LAMA3: variants seen among roughly 807,000 people sequenced by gnomAD.
LAMA3 encodes the protein laminin subunit alpha 3, also known as laminin subunit alpha-3.
In LAMA3, 281 loss-of-function variants were observed where a neutral mutation model predicts 402.0. The observed-to-expected ratio is 0.70, with a 90% CI of 0.63 to 0.77. The LOEUF (loss-of-function observed/expected upper bound fraction) is 0.77. LAMA3 is among the 30% of genes least tolerant of loss of function. The pLI is 0.00. For missense variants in LAMA3, 3,840 were observed against 4,215.5 expected (o/e 0.91, Z 2.47); for synonymous variants, 1,431 against 1,558.4 (o/e 0.92, Z 1.93).
chr18:23,833,071 C>A (rs947273300), intron 23 of LAMA3, among the ~76,000 whole-genome samples: 1 of 152,172 alleles, frequency 6.6e-6, no homozygotes, highest in African/African-American at 2.4e-5. Flanking sequence ...GATCACACAG[C>A]TGGAGGCTGT....
In LAMA3 at chr18:23,903,976, A is replaced by G; in HGVS notation, c.6362A>G (p.Glu2121Gly). ...GCCAGTTTAAATGAAGCAAGACAAG[A>G]ACTAAGTGACAAAGTAAGAGAACTT... Reference protein sequence around the residue: ...LAASLNEARQELSDKVRELSR... With the variant: ...LAASLNEARQGLSDKVRELSR... The change falls in exon 50 of 75, where the codon GAA becomes GGA. Residue 2121 changes from glutamate to glycine, a missense_variant. Around this residue, in one of 3 missense-constraint regions of LAMA3, gnomAD observed 891 missense variants for 857.5 expected, o/e 1.04. Transcript: ENST00000313654. 2 of 1,613,966 alleles carry G rather than the reference A, an allele frequency of 1.2e-6. No homozygotes were observed. Among genetic ancestry groups the G allele is most frequent in the Non-Finnish European group, 1.7e-6 (2 of 1,179,884 alleles).
At chr18:23,866,498 A>G (rs2064362658) in intron 36 of LAMA3, among the ~76,000 whole-genome samples, 1 of 152,258 alleles carries the variant, frequency 6.6e-6, no homozygotes, top group Non-Finnish European at 1.5e-5. Context: ...TTTGCAGAAT[A>G]TCTTGAAGAT....
intron 18 of LAMA3, among the ~76,000 whole-genome samples, chr18:23,817,189 C>A (rs920593398): frequency 3.3e-5 from 5 of 152,160 alleles, no homozygotes; most frequent in African/African-American, 1.2e-4. Flanking sequence ...GAGATTGAGA[C>A]TGGGGAACTA....
chr18:23,903,117 A>G lies in LAMA3; in HGVS notation c.6310A>G (p.Ser2104Gly). The stretch of plus-strand genomic sequence containing the variant: ...CATTGCGCTGCAGCTGATGGAGAAA[A>G]GCCAGAAGGTAGAGGAAATAGTTGT... ...TNIALQLMEK[S>G]QKEYEKLAAS... Residue 2104 changes from serine (S) to glycine (G), a missense_variant, in exon 49 of 75, where the codon AGC becomes GGC. Transcript: ENST00000313654. 3 of 1,593,818 alleles carry G rather than the reference A, an allele frequency of 1.9e-6. No individual in the cohort carries two copies. Among genetic ancestry groups the G allele is most frequent in the Non-Finnish European group, 2.6e-6 (3 of 1,161,504 alleles).
intron 30 of LAMA3, 86 bp from the exon 31 acceptor site, chr18:23,846,211 G>A: frequency 8.0e-7 from 1 of 1,250,910 alleles, no homozygotes; most frequent in Non-Finnish European, 1.2e-6. Flanking sequence ...GATGCTGCTG[G>A]GTGGAGCAGG....
rs879454093 is a variant in LAMA3 at position 23,846,302 on chromosome 18, A to C, written c.3725A>C (p.Gln1242Pro). 5 of 1,614,172 alleles carry C rather than the reference A, an allele frequency of 3.1e-6. No homozygotes were observed. Among genetic ancestry groups the C allele is most frequent in the Non-Finnish European group, 4.2e-6 (5 of 1,180,022 alleles). The change falls in exon 31 of 75, where the codon CAG becomes CCG. Residue 1242 changes from glutamine (Q) to proline (P), a missense_variant. By Grantham distance (76) the Gln-to-Pro change is moderately conservative (BLOSUM62 -1). Coordinates refer to ENST00000313654, the MANE Select transcript of LAMA3 (RefSeq NM_198129.4). The stretch of plus-strand genomic sequence containing the variant: ...AGTTGTTTCTGTCTCCACAGCCCCC[A>C]GACAGCCTCCAGATTCTGTAAGAAT... ...CGKNSFYLDP[Q>P]TASRFCKNSA...
In LAMA3 at chr18:23,839,783, A is replaced by T; in HGVS notation, c.3192-2A>T. The T allele has an allele frequency of 6.2e-7, 1 of 1,614,100 alleles. No homozygotes were observed. The highest frequency in any genetic ancestry group is 1.3e-5 in the African/African-American group (1 of 75,048). The stretch of plus-strand genomic sequence containing the variant: ...CAGATTTTTAAATATTCTATTTTTC[A>T]GTGCCACCTGTGTCTCCTTGGCCCA... On this transcript the variant is annotated splice_acceptor_variant, in intron 26 of 74. Coordinates refer to ENST00000313654, the MANE Select transcript of LAMA3 (RefSeq NM_198129.4). LOFTEE classifies it high-confidence loss of function. This position sits in a 1 kb window ranked among gnomAD's most constrained non-coding sequence, Gnocchi z 4.5.
chr18:23,708,926 T>TA (rs34486071), intron 1 of LAMA3, among the ~76,000 whole-genome samples: 72,779 of 140,992 alleles, frequency 0.52, 19,526 homozygotes, highest in Middle Eastern at 0.63. Context: ...CCTGGCTAAT[T>TA]AAAAAAAAAA....
intron 62 of LAMA3, among the ~76,000 whole-genome samples, chr18:23,925,256 G>T (rs1423374388): frequency 6.6e-6 from 1 of 152,180 alleles, no homozygotes; most frequent in African/African-American, 2.4e-5. Context: ...TGCACGTTTT[G>T]TTTCTTCCCC....
intron 38 of LAMA3, chr18:23,872,709 G>T (rs1393030658): frequency 5.9e-6 from 2 of 340,790 alleles, no homozygotes; most frequent in East Asian, 6.5e-5. Context: ...TTGATAGCCC[G>T]AGGGAAAGAG....
At chr18:23,894,878 A>T in intron 43 of LAMA3, 29 bp from the exon 44 acceptor site, 1 of 1,614,098 alleles carries the variant, frequency 6.2e-7, no homozygotes, top group Non-Finnish European at 8.5e-7. Flanking sequence ...CCCCCACAGC[A>T]CATTTGCCTT....
chr18:23,799,605 C>A (rs1199872474), intron 12 of LAMA3, among the ~76,000 whole-genome samples: 1 of 152,206 alleles, frequency 6.6e-6, no homozygotes, highest in Non-Finnish European at 1.5e-5. Context: ...GCGCTCCAGG[C>A]AGCTACCCTA....
chr18:23,733,920 T>A (rs754111312), intron 2 of LAMA3, among the ~76,000 whole-genome samples: 1 of 152,212 alleles, frequency 6.6e-6, no homozygotes, highest in Non-Finnish European at 1.5e-5. Context: ...GAATTAGAAT[T>A]TCCAGAATTA....
At chr18:23,713,288 C>T (rs1048767230) in intron 1 of LAMA3, among the ~76,000 whole-genome samples, 3 of 152,190 alleles carry the variant, frequency 2.0e-5, no homozygotes, top group Non-Finnish European at 2.9e-5. Flanking sequence ...TGCCCTTGCT[C>T]GTGCTGGTTC....
chr18:23,717,096 G>T (rs929000636), intron 2 of LAMA3, among the ~76,000 whole-genome samples: 3 of 152,212 alleles, frequency 2.0e-5, no homozygotes, highest in African/African-American at 7.2e-5. Flanking sequence ...AGCAGGAAAA[G>T]CATGATCAGT....
intron 64 of LAMA3, 137 bp from the exon 65 acceptor site, chr18:23,930,925 C>A: frequency 1.3e-6 from 1 of 787,608 alleles, no homozygotes; most frequent in East Asian, 2.5e-5. Flanking sequence ...ATCTTTAGAG[C>A]AAAAAGCAAA....
intron 58 of LAMA3, 79 bp from the exon 59 acceptor site, chr18:23,915,210 T>A: frequency 6.8e-7 from 1 of 1,472,356 alleles, no homozygotes; most frequent in South Asian, 1.2e-5. Flanking sequence ...CCATAGTGAC[T>A]GTTAAAAGTG....
intron 34 of LAMA3, among the ~76,000 whole-genome samples, chr18:23,860,067 T>A (rs1364256828): frequency 6.6e-6 from 1 of 152,134 alleles, no homozygotes. Flanking sequence ...ATCACCCCTA[T>A]CATTCAGGAA....
chr18:23,903,935 A>G lies in LAMA3; in HGVS notation c.6321A>G (p.Glu2107=). 3 of 1,610,188 alleles carry G rather than the reference A, an allele frequency of 1.9e-6. No homozygotes were observed. Among genetic ancestry groups the G allele is most frequent in the Non-Finnish European group, 2.5e-6 (3 of 1,176,912 alleles). Residue 2107 remains glutamate, a splice_region_variant and synonymous_variant, in exon 50 of 75, where the codon GAA becomes GAG. Coordinates refer to ENST00000313654, the MANE Select transcript of LAMA3 (RefSeq NM_198129.4). ...ALQLMEKSQK[E]YEKLAASLNE... Reference sequence around the variant, plus strand: ...CTTTGTTTATTTGGAAAAAATAGGAATATGAAAAATTAGCTGCCAGTTTAA... The same window carrying G: ...CTTTGTTTATTTGGAAAAAATAGGAGTATGAAAAATTAGCTGCCAGTTTAA...
Sources: allele counts gnomAD v4.1 joint callset (sites outside exome capture counted in the v4.1 genomes callset), GRCh38; gene constraint gnomAD v4.1.1; regional missense constraint gnomAD v4.1.1; non-coding constraint Gnocchi (gnomAD v3.1); transcripts MANE v1.5; gene names NCBI Gene and HGNC (gene_info 2026-07-23, HGNC 2026-07-21).